The following IGSF11 variants were observed in gnomAD, a reference collection of about 807,000 sequenced individuals.
The protein encoded by IGSF11 is CXADR like 1.
A neutral mutation model predicts 41.0 loss-of-function variants in IGSF11; 22 were observed. That is an observed-to-expected ratio of 0.54 (90% CI 0.38 to 0.77). The LOEUF is 0.77. Among genes scored for constraint, IGSF11 ranks in the 30% least tolerant of loss-of-function variants. The probability of loss-of-function intolerance (pLI) is 0.00; values close to 1 mark genes in which losing one functional copy is unlikely to be tolerated. For synonymous variants in IGSF11, 219 were observed against 201.3 expected, an observed-to-expected ratio of 1.09 and a Z score of -0.74; for missense variants, 444 against 530.8, an observed-to-expected ratio of 0.84 and a Z score of 1.61.
At chr3:119,078,671 T>A (rs1368903833) in intron 1 of IGSF11, among the ~76,000 whole-genome samples, 1 of 152,092 alleles carries the variant, frequency 6.6e-6, no homozygotes, top group Non-Finnish European at 1.5e-5. Context: ...GATTTCATGA[T>A]GAAGACTCCA....
intron 1 of IGSF11, among the ~76,000 whole-genome samples, chr3:118,937,335 G>A (rs1012771381): frequency 6.6e-6 from 1 of 152,070 alleles, no homozygotes; most frequent in Non-Finnish European, 1.5e-5. Flanking sequence ...AATAAAAATT[G>A]TACACTATCC....
intron 1 of IGSF11, among the ~76,000 whole-genome samples, chr3:118,953,891 AGCTTT>A (rs1426343823): frequency 1.3e-5 from 2 of 152,116 alleles, no homozygotes; most frequent in Non-Finnish European, 2.9e-5. Flanking sequence ...GCTGTGCAGA[AGCTTT>A]TTAGTTTAAT....
Position 119,103,014 on chromosome 3 carries a change from T to TTC in IGSF11, c.49+2129_49+2130insGA, listed in dbSNP as rs36018516. On this transcript the variant is annotated intron_variant, in intron 1 of 6. Coordinates refer to the IGSF11 transcript ENST00000354673. ...CTTGGCCAATTTTTTTTTTTTTTTT[T>TTC]TGAGTTGGAGTCTCGCTCTGTCGCC... is the stretch of plus-strand genomic sequence containing the variant. Among the ~76,000 whole-genome samples the TTC allele has an allele frequency of 4.2e-5, 6 of 143,294 alleles. No individual in the cohort carries two copies. The East Asian group carries it at 1.2e-3, about 29-fold the overall frequency. The allele number at this position is 143,294 out of a possible 152,430, so 94.0% of individuals were successfully genotyped here. A position where few individuals can be genotyped will look rare whatever the true frequency, so the allele number is the denominator to read the frequency against.
chr3:118,995,991 C>T (rs1051180505), intron 1 of IGSF11, among the ~76,000 whole-genome samples: 1 of 151,848 alleles, frequency 6.6e-6, no homozygotes, highest in African/African-American at 2.4e-5. Context: ...ACCATATTAG[C>T]CAAGCTGCTC....
intron 1 of IGSF11, among the ~76,000 whole-genome samples, chr3:118,930,919 G>C (rs1174552091): frequency 1.3e-5 from 2 of 152,036 alleles, no homozygotes; most frequent in South Asian, 2.1e-4. Flanking sequence ...ATAGCCAAAA[G>C]AATACTGAAA....
At chr3:118,992,131 T>C (rs1224315734) in intron 1 of IGSF11, among the ~76,000 whole-genome samples, 1 of 152,238 alleles carries the variant, frequency 6.6e-6, no homozygotes, top group African/African-American at 2.4e-5. Flanking sequence ...AATAGACAAT[T>C]AGTAATTCCT....
At chr3:118,941,536 A>G (rs1419234894) in intron 1 of IGSF11, among the ~76,000 whole-genome samples, 3 of 152,222 alleles carry the variant, frequency 2.0e-5, no homozygotes. Context: ...AATGTAGTAC[A>G]GTCATTTGGA....
At chr3:118,965,592 A>T (rs1427182099) in intron 1 of IGSF11, among the ~76,000 whole-genome samples, 1 of 152,138 alleles carries the variant, frequency 6.6e-6, no homozygotes, top group Non-Finnish European at 1.5e-5. Context: ...ATCATAGATC[A>T]TAAATGTGGT....
At chr3:119,142,201 G>A (rs2077657984) in intron 1 of IGSF11, among the ~76,000 whole-genome samples, 1 of 151,036 alleles carries the variant, frequency 6.6e-6, no homozygotes, top group Non-Finnish European at 1.5e-5. Flanking sequence ...CGTGAACCTG[G>A]GAGGCGGAGC....
At chr3:119,019,407 G>T (rs1051425694) in intron 1 of IGSF11, among the ~76,000 whole-genome samples, 1 of 148,296 alleles carries the variant, frequency 6.7e-6, no homozygotes, top group African/African-American at 2.5e-5. Context: ...GGTGGCAGGG[G>T]TCAGGAAGAT....
intron 1 of IGSF11, among the ~76,000 whole-genome samples, chr3:118,995,291 G>A (rs531438035): frequency 9.8e-4 from 149 of 152,178 alleles, no homozygotes; most frequent in Middle Eastern, 3.4e-3. Flanking sequence ...AACCCGAGAC[G>A]AAAGAAAGCA....
At chr3:119,036,567 C>T (rs1940913422), upstream of IGSF11, among the ~76,000 whole-genome samples, 1 of 152,016 alleles carries the variant, frequency 6.6e-6, no homozygotes, top group Admixed American at 6.6e-5. Flanking sequence ...AAATAAATAT[C>T]CTTTAAATAA....
chr3:118,919,715 A>T (rs2107511255), intron 4 of IGSF11, among the ~76,000 whole-genome samples: 1 of 108,258 alleles, frequency 9.2e-6, no homozygotes, highest in South Asian at 4.0e-4. Flanking sequence ...TTCCTCAGGG[A>T]TCTAGAACTA....
At chr3:119,022,574 T>G (rs1213663959) in intron 1 of IGSF11, among the ~76,000 whole-genome samples, 1 of 152,192 alleles carries the variant, frequency 6.6e-6, no homozygotes, top group African/African-American at 2.4e-5. Context: ...AATAGAAAAT[T>G]TGTAAAAGAC....
intron 1 of IGSF11, among the ~76,000 whole-genome samples, chr3:118,971,411 T>C (rs906338652): frequency 1.3e-5 from 2 of 151,948 alleles, no homozygotes; most frequent in Admixed American, 6.6e-5. Context: ...TTAAAATCAA[T>C]GTGGTTTGAT....
intron 1 of IGSF11, among the ~76,000 whole-genome samples, chr3:118,930,820 T>C (rs1418934864): frequency 6.6e-6 from 1 of 152,230 alleles, no homozygotes; most frequent in African/African-American, 2.4e-5. Context: ...AATTGATCTA[T>C]AGATTCAGAG....
intron 1 of IGSF11, among the ~76,000 whole-genome samples, chr3:118,955,859 T>C (rs1008829299): frequency 6.6e-6 from 1 of 152,144 alleles, no homozygotes; most frequent in Non-Finnish European, 1.5e-5. Flanking sequence ...CTTTGAACCT[T>C]TGGATCCAGT....
intron 1 of IGSF11, among the ~76,000 whole-genome samples, chr3:119,098,925 A>C (rs1447136220): frequency 1.3e-5 from 2 of 151,578 alleles, no homozygotes; most frequent in African/African-American, 4.9e-5. Flanking sequence ...TTCAGAAAAA[A>C]AGTTTCAAAA....
intron 1 of IGSF11, among the ~76,000 whole-genome samples, chr3:119,055,691 C>T (rs889288774): frequency 1.3e-5 from 2 of 152,200 alleles, no homozygotes; most frequent in East Asian, 1.9e-4. Flanking sequence ...CCACACCACA[C>T]TTATTTGAAA....
Sources: allele counts gnomAD v4.1 joint callset (sites outside exome capture counted in the v4.1 genomes callset), GRCh38; gene constraint gnomAD v4.1.1; transcripts MANE v1.5; gene names NCBI Gene and HGNC (gene_info 2026-07-23, HGNC 2026-07-21).